CSAD: variants seen among roughly 807,000 people sequenced by gnomAD.
CSAD encodes the protein cysteine sulfinic acid decarboxylase, also known as P-selectin cytoplasmic tail-associated protein.
Under a neutral mutation model 61.5 loss-of-function variants are expected in CSAD, and 47 were observed. The observed-to-expected ratio is 0.76, with a 90% CI of 0.60 to 0.97. The LOEUF is 0.97. CSAD is among the 50% of genes least tolerant of loss of function. The pLI is 0.00. For missense variants in CSAD, 611 were observed against 643.6 expected (o/e 0.95, Z 0.55); for synonymous variants, 245 against 252.7 (o/e 0.97, Z 0.29).
intron 16 of CSAD, among the ~76,000 whole-genome samples, chr12:53,159,052 TA>T (rs543906856): frequency 2.6e-4 from 39 of 152,332 alleles, no homozygotes; most frequent in Non-Finnish European, 4.3e-4. Flanking sequence ...ATTCCTGTAA[TA>T]TTTTTGATAA....
At chr12:53,159,820 G>A in intron 15 of CSAD, 67 bp downstream of exon 15, 3 of 1,544,466 alleles carry the variant, frequency 1.9e-6, no homozygotes, top group Non-Finnish European at 2.6e-6. Flanking sequence ...TAGGGCTTTA[G>A]TTGGGGCTTG....
At chr12:53,162,476 G>A (rs1939399292) in intron 10 of CSAD, among the ~76,000 whole-genome samples, 1 of 152,154 alleles carries the variant, frequency 6.6e-6, no homozygotes, top group Non-Finnish European at 1.5e-5. Flanking sequence ...GCTGAGGCAG[G>A]AGAATCACTT....
rs1233026442 is a variant in CSAD at position 53,171,726 on chromosome 12, GGGACCAGGCAGCCGCCTC to G, written c.451+138_451+155del. On this transcript the variant is annotated intron_variant, in intron 7 of 16. Coordinates refer to ENST00000444623, the MANE Select transcript of CSAD (RefSeq NM_001244705.2). ...GAATGGTGACAAACATGAGCATGAAGGGACCAGGCAGCCGCCTCCCTGGCCTGGCCTGGGTCCAGCTGG... is the reference window on the plus strand; with the variant it reads ...GAATGGTGACAAACATGAGCATGAAGCCTGGCCTGGCCTGGGTCCAGCTGG... 4.8e-6 allele frequency: 3 copies of G among 629,294 alleles called. No homozygotes were observed. In the African/African-American group the frequency reaches 5.5e-5, roughly 12 times the overall value. The allele number at this position is 629,294 out of a possible 1,614,324, so 39.0% of individuals were successfully genotyped here.
intron 10 of CSAD, among the ~76,000 whole-genome samples, chr12:53,169,422 T>C (rs1302049802): frequency 6.7e-6 from 1 of 150,082 alleles, no homozygotes; most frequent in Non-Finnish European, 1.5e-5. Context: ...GAGGTTGCAG[T>C]GAGTCGAGAT....
In CSAD at chr12:53,180,712, G is replaced by T. The variant is rs988713206; in HGVS notation, c.-91+20C>A. The T allele has an allele frequency of 7.9e-7, 1 of 1,268,846 alleles. No individual in the cohort carries two copies. The highest frequency in any genetic ancestry group is 1.3e-5 in the South Asian group (1 of 78,856). 78.6% of individuals were successfully genotyped at this position (1,268,846 alleles called of 1,614,324 possible). ...AGTGCTTCCGGGGAAACGGGCCGGG[G>T]TTGGTGTTTGTAAACTTGCCTCGGT... is the stretch of plus-strand genomic sequence containing the variant. On this transcript the variant is annotated intron_variant, in intron 1 of 16. Coordinates refer to ENST00000444623, the MANE Select transcript of CSAD (RefSeq NM_001244705.2).
intron 2 of CSAD, among the ~76,000 whole-genome samples, chr12:53,177,338 C>A (rs2121520577): frequency 6.6e-6 from 1 of 152,230 alleles, no homozygotes; most frequent in East Asian, 1.9e-4. Context: ...TGACTTTTGT[C>A]TCAAAAGCTG....
At chr12:53,168,600 C>G (rs948611830) in intron 10 of CSAD, among the ~76,000 whole-genome samples, 3 of 152,036 alleles carry the variant, frequency 2.0e-5, no homozygotes, top group Admixed American at 6.6e-5. Context: ...AGTGGAGATA[C>G]TTTCATGTTA....
intron 13 of CSAD, 83 bp downstream of exon 13, chr12:53,160,680 G>T: frequency 8.4e-7 from 1 of 1,185,618 alleles, no homozygotes; most frequent in Non-Finnish European, 1.2e-6. Flanking sequence ...ATAGAGAAAG[G>T]CCTGAACTTT....
At chr12:53,171,119 C>G in intron 8 of CSAD, 1 of 733,714 alleles carries the variant, frequency 1.4e-6, no homozygotes, top group East Asian at 2.7e-5. Flanking sequence ...CCACTGCACT[C>G]ACGGCCCCTC....
intron 5 of CSAD, 36 bp downstream of exon 5, chr12:53,172,486 C>T: frequency 6.2e-7 from 1 of 1,614,132 alleles, no homozygotes; most frequent in South Asian, 1.1e-5. Context: ...TCAGGGCAAA[C>T]TCCCAAGTCT....
chr12:53,175,517 T>C (rs1481479957), intron 2 of CSAD, among the ~76,000 whole-genome samples: 2 of 152,206 alleles, frequency 1.3e-5, no homozygotes, highest in African/African-American at 2.4e-5. Flanking sequence ...CTCCTATGTA[T>C]ACAATCTTTT....
intron 10 of CSAD, among the ~76,000 whole-genome samples, chr12:53,165,237 AG>A (rs1375804022): frequency 2.0e-5 from 3 of 152,012 alleles, no homozygotes; most frequent in African/African-American, 7.2e-5. Flanking sequence ...GCTCCTTGGG[AG>A]GCTGAGATGG....
At chr12:53,171,835 G>A in intron 7 of CSAD, 47 bp downstream of exon 7, 1 of 1,212,978 alleles carries the variant, frequency 8.2e-7, no homozygotes, top group Non-Finnish European at 1.2e-6. Context: ...TGGGGGAGGA[G>A]GAACTCATAA....
rs1371582501 is a variant in CSAD, at chr12:53,158,679, G to A, written c.1314C>T (p.Ala438=). Reference sequence around the variant, plus strand: ...TCACCATGCGCTCCTTGAGCACGGGGGCCACCTGTGGAAGGGTGGAGAGAG... The same window carrying A: ...TCACCATGCGCTCCTTGAGCACGGGAGCCACCTGTGGAAGGGTGGAGAGAG... ...PDYHERLSKV[A]PVLKERMVKE... The change falls in exon 17 of 17, where the codon GCC becomes GCT. Residue 438 remains alanine, a synonymous_variant. Coordinates refer to ENST00000444623, the MANE Select transcript of CSAD (RefSeq NM_001244705.2). 12 of 1,613,908 alleles carry A rather than the reference G, an allele frequency of 7.4e-6. No individual in the cohort carries two copies. The East Asian group carries it at 2.5e-4, about 33-fold the overall frequency.
rs145569488 is a variant in CSAD at position 53,160,568 on chromosome 12, C to A, written c.966+195G>T. On this transcript the variant is annotated intron_variant, in intron 13 of 16. Transcript: ENST00000444623. ...GGATACCTCTGACTCCAACTTCAAG[C>A]TGGAAACTTTTCTTTTAAGAGAGGC... Among the ~76,000 whole-genome samples, 23 of 151,948 alleles carry A rather than the reference C, an allele frequency of 1.5e-4. No homozygotes were observed. In the East Asian group the frequency reaches 4.4e-3, roughly 29 times the overall value.
At chr12:53,175,460 C>T (rs759799365) in intron 2 of CSAD, among the ~76,000 whole-genome samples, 1 of 152,146 alleles carries the variant, frequency 6.6e-6, no homozygotes, top group Non-Finnish European at 1.5e-5. Context: ...ATCTCCCAAT[C>T]AACAAACCCT....
chr12:53,172,459 GGAGCTCAGAGTA>G, intron 5 of CSAD, 23 bp from the exon 6 acceptor site: 4 of 1,613,902 alleles, frequency 2.5e-6, no homozygotes, highest in Non-Finnish European at 2.5e-6. Flanking sequence ...AGTAAGCCAG[GGAGCTCAGAGTA>G]GAGCTCAGGG....
chr12:53,163,392 G>T (rs1381752234), intron 10 of CSAD, among the ~76,000 whole-genome samples: 1 of 152,038 alleles, frequency 6.6e-6, no homozygotes, highest in Non-Finnish European at 1.5e-5. Flanking sequence ...AAGTTAAAAA[G>T]AAAAGAAAGG....
intron 10 of CSAD, among the ~76,000 whole-genome samples, chr12:53,168,368 G>T (rs1309627832): frequency 1.3e-5 from 2 of 152,070 alleles, no homozygotes; most frequent in East Asian, 3.8e-4. Context: ...TATATGTTAG[G>T]TGAATTATAT....
Sources: gnomAD v4.1 joint callset for allele counts (sites outside exome capture counted in the v4.1 genomes callset) on GRCh38, gnomAD v4.1.1 for gene constraint, MANE v1.5 for transcripts, NCBI Gene and HGNC (gene_info 2026-07-23, HGNC 2026-07-21) for gene names.